The following JAM2 variants were observed in gnomAD, a reference collection of about 807,000 sequenced individuals.
JAM2 encodes the protein junctional adhesion molecule B.
In JAM2, 17 loss-of-function variants were observed where a neutral mutation model predicts 42.0. That is an observed-to-expected ratio of 0.40 (90% CI 0.28 to 0.61). The LOEUF (loss-of-function observed/expected upper bound fraction) is 0.61. JAM2 is among the 20% of genes least tolerant of loss of function. The pLI is 0.37. For synonymous variants in JAM2, 118 were observed against 128.6 expected, an observed-to-expected ratio of 0.92 and a Z score of 0.56; for missense variants, 319 against 358.3, an observed-to-expected ratio of 0.89 and a Z score of 0.89.
chr21:25,679,550 G>A (rs1031113768), intron 1 of JAM2, among the ~76,000 whole-genome samples: 1 of 152,194 alleles, frequency 6.6e-6, no homozygotes, highest in African/African-American at 2.4e-5. Context: ...CAGGGATACT[G>A]CAAAACATCC....
intron 9 of JAM2, among the ~76,000 whole-genome samples, chr21:25,713,840 T>C (rs916606532): frequency 6.6e-6 from 1 of 152,232 alleles, no homozygotes; most frequent in African/African-American, 2.4e-5. Context: ...CCAAACAGTA[T>C]GAAGCACATT....
At chr21:25,705,895 C>T (rs2034260205) in intron 6 of JAM2, 84 bp from the exon 7 acceptor site, 1 of 956,104 alleles carries the variant, frequency 1.0e-6, no homozygotes, top group Non-Finnish European at 1.7e-6. Context: ...CAAAGGGGAT[C>T]TTTTTTTGAA....
chr21:25,709,609 G>C (rs1274265570), intron 8 of JAM2, 160 bp downstream of exon 8: 5 of 458,128 alleles, frequency 1.1e-5, no homozygotes, highest in African/African-American at 1.9e-5. Context: ...GTATTAGGCT[G>C]TTCTTGCATT....
At chr21:25,672,062 A>C (rs1173006989) in intron 1 of JAM2, among the ~76,000 whole-genome samples, 1 of 152,156 alleles carries the variant, frequency 6.6e-6, no homozygotes, top group African/African-American at 2.4e-5. Flanking sequence ...AGTAGATGGT[A>C]GTGATGTATC....
chr21:25,670,109 G>A (rs1383925728), intron 1 of JAM2, among the ~76,000 whole-genome samples: 1 of 152,112 alleles, frequency 6.6e-6, no homozygotes, highest in Non-Finnish European at 1.5e-5. Flanking sequence ...GTTATATTAC[G>A]ACAATTAGAC....
intron 2 of JAM2, among the ~76,000 whole-genome samples, chr21:25,686,464 C>T (rs1241831979): frequency 6.6e-6 from 1 of 152,104 alleles, no homozygotes; most frequent in East Asian, 1.9e-4. Flanking sequence ...GTGTGTTTCA[C>T]CCTATTTGTT....
chr21:25,716,977 G>A lies in JAM2; in HGVS notation c.*2305G>A, dbSNP rs947369601. 14 of 152,184 alleles carry A rather than the reference G, an allele frequency of 9.2e-5. No individual in the cohort carries two copies. The highest frequency in any genetic ancestry group is 3.1e-4 in the African/African-American group (13 of 41,454). The allele number at this position is 152,184 out of a possible 1,614,324, so 9.4% of individuals were successfully genotyped here. Reference sequence around the variant, plus strand: ...TTTAAATGACACAAATCCATATTGTGGAAGGAAAATATGTAGTGCCTTAGC... The same window carrying A: ...TTTAAATGACACAAATCCATATTGTAGAAGGAAAATATGTAGTGCCTTAGC... On this transcript the variant is annotated 3_prime_UTR_variant, in exon 10 of 10. Transcript: ENST00000480456.
At chr21:25,674,458 C>T (rs1270161685) in intron 1 of JAM2, among the ~76,000 whole-genome samples, 1 of 152,068 alleles carries the variant, frequency 6.6e-6, no homozygotes, top group African/African-American at 2.4e-5. Flanking sequence ...AGTGTGAGAA[C>T]AGACTAATAT....
chr21:25,640,342 C>T (rs1003357891), intron 1 of JAM2, among the ~76,000 whole-genome samples: 1 of 152,204 alleles, frequency 6.6e-6, no homozygotes, highest in South Asian at 2.1e-4. Flanking sequence ...GGCTCTGTAG[C>T]GTCCCAGCTG....
At chr21:25,643,045 A>G (rs909392877) in intron 1 of JAM2, among the ~76,000 whole-genome samples, 1 of 152,200 alleles carries the variant, frequency 6.6e-6, no homozygotes, top group South Asian at 2.1e-4. Context: ...TGACCAGATC[A>G]CGGTCCAAAG....
chr21:25,656,276 AC>A (rs1389773731), intron 1 of JAM2, among the ~76,000 whole-genome samples: 2 of 152,236 alleles, frequency 1.3e-5, no homozygotes, highest in African/African-American at 4.8e-5. Context: ...CCTCTTGTCC[AC>A]CCCCAGGCTC....
intron 1 of JAM2, among the ~76,000 whole-genome samples, chr21:25,664,224 T>A (rs1158258638): frequency 6.6e-6 from 1 of 152,030 alleles, no homozygotes; most frequent in Non-Finnish European, 1.5e-5. Flanking sequence ...TATTTATTTA[T>A]TTTTTATTTT....
At chr21:25,644,699 T>A (rs1001380341) in intron 1 of JAM2, among the ~76,000 whole-genome samples, 2 of 152,236 alleles carry the variant, frequency 1.3e-5, no homozygotes, top group Non-Finnish European at 2.9e-5. Context: ...GATGTGGACA[T>A]CTTTGTGGGG....
At chr21:25,678,680 A>T (rs1168526343) in intron 1 of JAM2, among the ~76,000 whole-genome samples, 2 of 152,236 alleles carry the variant, frequency 1.3e-5, no homozygotes, top group Non-Finnish European at 2.9e-5. Context: ...TACTCTTCAC[A>T]TAGACACCAC....
At chr21:25,655,926 T>A (rs62959560) in intron 1 of JAM2, among the ~76,000 whole-genome samples, 1 of 150,872 alleles carries the variant, frequency 6.6e-6, no homozygotes, top group African/African-American at 2.4e-5. Flanking sequence ...TTTTTTTTTT[T>A]AATGCCTTTT....
chr21:25,716,947 T>G lies in JAM2; in HGVS notation c.*2275T>G, dbSNP rs1261064221. ...CCTGTCATCACACAAGATCAACTTC[T>G]TCAGTTTAAATGACACAAATCCATA... On this transcript the variant is annotated 3_prime_UTR_variant, in exon 10 of 10. Coordinates refer to ENST00000480456, the MANE Select transcript of JAM2 (RefSeq NM_021219.4). 3 of 152,242 alleles carry G rather than the reference T, an allele frequency of 2.0e-5. No homozygotes were observed. Among genetic ancestry groups the G allele is most frequent in the Non-Finnish European group, 4.4e-5 (3 of 68,050 alleles). The allele number at this position is 152,242 out of a possible 1,614,324, so 9.4% of individuals were successfully genotyped here. A position where few individuals can be genotyped will look rare whatever the true frequency, so the allele number is the denominator to read the frequency against.
At position 25,655,795 on chromosome 21, in the gene JAM2, C is replaced by T. The variant is rs559621716; in HGVS notation, c.67+15907C>T. Among the ~76,000 whole-genome samples, 46 of 151,346 alleles carry T rather than the reference C, an allele frequency of 3.0e-4. 1 individual carries two copies. Among genetic ancestry groups the T allele is most frequent in the African/African-American group, 1.0e-3 (42 of 41,216 alleles). On this transcript the variant is annotated intron_variant, in intron 1 of 9. Coordinates refer to ENST00000480456, the MANE Select transcript of JAM2 (RefSeq NM_021219.4). The stretch of plus-strand genomic sequence containing the variant: ...ACAGGTGTGAGCCACCGTGCCCAGT[C>T]GAAACACCAGCTCTCTTAAATCCTG...
intron 1 of JAM2, among the ~76,000 whole-genome samples, chr21:25,679,956 A>G (rs921290244): frequency 1.3e-5 from 2 of 152,174 alleles, no homozygotes; most frequent in Non-Finnish European, 2.9e-5. Context: ...GATCATGGCC[A>G]TGTTTCTTAC....
intron 1 of JAM2, among the ~76,000 whole-genome samples, chr21:25,656,094 G>A (rs1418476213): frequency 1.3e-5 from 2 of 150,874 alleles, no homozygotes; most frequent in Non-Finnish European, 3.0e-5. Flanking sequence ...CTTTTGAAAG[G>A]GACTTTAATA....
Sources: gnomAD v4.1 joint callset for allele counts (sites outside exome capture counted in the v4.1 genomes callset) on GRCh38, gnomAD v4.1.1 for gene constraint, MANE v1.5 for transcripts, NCBI Gene and HGNC (gene_info 2026-07-23, HGNC 2026-07-21) for gene names.